SCNN1D: variants seen among roughly 807,000 people sequenced by gnomAD.
SCNN1D encodes epithelial sodium channel subunit delta.
In SCNN1D, 104 loss-of-function variants were observed where a neutral mutation model predicts 87.8. The ratio of observed to expected loss-of-function variants is 1.18; its 90% confidence interval spans 1.01 to 1.39. SCNN1D has a LOEUF of 1.39. SCNN1D is among the 40% of genes most tolerant of loss of function. The pLI is 0.00. For missense variants in SCNN1D, 1,324 were observed against 1,093.9 expected (o/e 1.21, Z -2.97); for synonymous variants, 628 against 481.2 (o/e 1.31, Z -3.99).
At position 1,286,952 on chromosome 1, in the gene SCNN1D, C is replaced by G. The variant is rs139397015; in HGVS notation, c.1096C>G (p.Arg366Gly). 86 of 1,612,154 alleles carry G rather than the reference C, an allele frequency of 5.3e-5. No homozygotes were observed. Among genetic ancestry groups the G allele is most frequent in the Non-Finnish European group, 7.3e-5 (86 of 1,179,730 alleles). Residue 366 changes from arginine (R) to glycine (G), a missense_variant, in exon 8 of 18, where the codon CGG becomes GGG. By Grantham distance (125) the Arg-to-Gly change is moderately radical (BLOSUM62 -2). Coordinates refer to ENST00000379116, the MANE Select transcript of SCNN1D (RefSeq NM_001130413.4). ...GCAGAGGCTGAGCCACTCGGGCAGC[C>G]GGGTCAGAGTGGGGTTCAGACTGGT... ...RLQRLSHSGS[R>G]VRVGFRLCNS...
At chr1:1,280,737 G>A (rs750324672) in intron 1 of SCNN1D, 71 bp downstream of exon 1, 4 of 694,962 alleles carry the variant, frequency 5.8e-6, no homozygotes, top group Non-Finnish European at 1.1e-5. Context: ...CCATGGCTAA[G>A]ACCAGGGGTC....
intron 6 of SCNN1D, 25 bp from the exon 7 acceptor site, chr1:1,285,901 C>G: frequency 6.6e-7 from 1 of 1,524,976 alleles, no homozygotes; most frequent in South Asian, 1.3e-5. Context: ...CAGGCCGGGC[C>G]CTGCTGAGGC....
intron 4 of SCNN1D, 137 bp downstream of exon 4, chr1:1,282,452 G>A (rs1640488485): frequency 8.0e-6 from 8 of 997,874 alleles, no homozygotes; most frequent in Non-Finnish European, 1.2e-5. Context: ...TTCCAACCTG[G>A]GCCCGGCTCG....
At chr1:1,283,055 G>A (rs1570601357) in intron 4 of SCNN1D, among the ~76,000 whole-genome samples, 1 of 152,120 alleles carries the variant, frequency 6.6e-6, no homozygotes, top group Non-Finnish European at 1.5e-5. Context: ...CCTGGTGGTC[G>A]TGAGTCACTT....
In SCNN1D at chr1:1,290,477, G is replaced by A. The variant is rs1232941032; in HGVS notation, c.1781G>A (p.Gly594Glu). ...CACATGCCTCTGACCCCTCCCCAAG[G>A]ACACTGCTTCTACCGCCTCTACCAG... ...YCSSARHPAW[G>E]HCFYRLYQDL... Residue 594 changes from glycine to glutamate, a missense_variant and splice_region_variant, in exon 14 of 18, where the codon GGA becomes GAA. By Grantham distance (98) the Gly-to-Glu change is moderately conservative. Coordinates refer to ENST00000379116, the MANE Select transcript of SCNN1D (RefSeq NM_001130413.4). The A allele has an allele frequency of 3.7e-6, 6 of 1,612,522 alleles. No homozygotes were observed. Among genetic ancestry groups the A allele is most frequent in the Admixed American group, 1.7e-5 (1 of 59,994 alleles).
chr1:1,284,436 A>C (rs1640543316), intron 5 of SCNN1D, among the ~76,000 whole-genome samples: 1 of 151,528 alleles, frequency 6.6e-6, no homozygotes, highest in African/African-American at 2.4e-5. Context: ...GCATGGTGGC[A>C]ATGGGGCAGG....
In SCNN1D at chr1:1,290,903, T is replaced by A. The variant is rs745382414; in HGVS notation, c.1926T>A (p.Thr642=). The change falls in exon 16 of 18, where the codon ACT becomes ACA. Residue 642 remains threonine, a synonymous_variant. Coordinates refer to ENST00000379116, the MANE Select transcript of SCNN1D (RefSeq NM_001130413.4). The part of the protein sequence containing the change: ...RWPSAKSAGW[T]LATLGEQGLP... ...AAACCTTCCGTCTGCAGGGATGGAC[T>A]CTGGCCACGCTAGGTGAACAGGGGC... 59 of 1,610,010 alleles carry A rather than the reference T, an allele frequency of 3.7e-5. No individual in the cohort carries two copies. The highest frequency in any genetic ancestry group is 4.9e-5 in the Non-Finnish European group (58 of 1,178,992).
intron 5 of SCNN1D, among the ~76,000 whole-genome samples, chr1:1,285,051 T>C (rs1640559054): frequency 6.6e-6 from 1 of 152,210 alleles, no homozygotes; most frequent in Non-Finnish European, 1.5e-5. Flanking sequence ...TCAGATGGCC[T>C]TGGGGACGCA....
chr1:1,287,756 G>C lies in SCNN1D; in HGVS notation c.1483G>C (p.Gly495Arg). 1 of 1,603,964 alleles carries C rather than the reference G, an allele frequency of 6.2e-7. No homozygotes were observed. The highest frequency in any genetic ancestry group is 8.5e-7 in the Non-Finnish European group (1 of 1,175,816). ...GGCCGGCATCAGGGTCATGGTTCAC[G>C]GCCGTAACCACACGCCCTTCCTGGG... The part of the protein sequence containing the change: ...TLAGIRVMVH[G>R]RNHTPFLGHH... Residue 495 changes from glycine (G) to arginine (R), a missense_variant, in exon 11 of 18, where the codon GGC becomes CGC. Coordinates refer to ENST00000379116, the MANE Select transcript of SCNN1D (RefSeq NM_001130413.4).
chr1:1,290,217 G>A lies in SCNN1D; in HGVS notation c.1663-54G>A, dbSNP rs201216106. 3.3e-3 allele frequency: 4,317 copies of A among 1,291,434 alleles called. 86 individuals carry two copies. The highest frequency in any genetic ancestry group is 8.2e-3 in the East Asian group (333 of 40,526). The allele number at this position is 1,291,434 out of a possible 1,614,324, so 80.0% of individuals were successfully genotyped here. ...CTGCTCCGTCCCGTGTCTCTGCCCC[G>A]TCCCCCATGTCTCCGCTCCATCCCA... On this transcript the variant is annotated intron_variant, in intron 12 of 17. Transcript: ENST00000379116.
chr1:1,290,882 C>A lies in SCNN1D; in HGVS notation c.1918-13C>A, dbSNP rs927707327. On this transcript the variant is annotated splice_polypyrimidine_tract_variant and intron_variant, in intron 15 of 17. Coordinates refer to ENST00000379116, the MANE Select transcript of SCNN1D (RefSeq NM_001130413.4). ...TGGGGGAGCCGTGGCCACAGCAAAC[C>A]TTCCGTCTGCAGGGATGGACTCTGG... is the stretch of plus-strand genomic sequence containing the variant. The A allele has an allele frequency of 6.2e-7, 1 of 1,609,488 alleles. No individual in the cohort carries two copies. Among genetic ancestry groups the A allele is most frequent in the Non-Finnish European group, 8.5e-7 (1 of 1,178,850 alleles).
chr1:1,282,808 A>G (rs1640498321), intron 4 of SCNN1D, among the ~76,000 whole-genome samples: 1 of 150,024 alleles, frequency 6.7e-6, no homozygotes, highest in Admixed American at 6.6e-5. Context: ...GCTGGAGTGC[A>G]GTGGCACGAT....
In SCNN1D at chr1:1,291,540, G is replaced by C; in HGVS notation, c.2339G>C (p.Gly780Ala). 3 of 1,597,352 alleles carry C rather than the reference G, an allele frequency of 1.9e-6. No individual in the cohort carries two copies. Among genetic ancestry groups the C allele is most frequent in the Non-Finnish European group, 2.6e-6 (3 of 1,169,394 alleles). ...CATCTCCCACGGGTGATGCTTCCAG[G>C]GGTTCTGGCGGGAGTCTCAGCCGAA... is the stretch of plus-strand genomic sequence containing the variant. Reference protein sequence around the residue: ...GPHLPRVMLPGVLAGVSAEES... With the variant: ...GPHLPRVMLPAVLAGVSAEES... The change falls in exon 18 of 18, where the codon GGG becomes GCG. Residue 780 changes from glycine to alanine, a missense_variant. Gly to Ala is a moderately conservative substitution (Grantham distance 60). Coordinates refer to ENST00000379116, the MANE Select transcript of SCNN1D (RefSeq NM_001130413.4).
chr1:1,287,510 A>G lies in SCNN1D; in HGVS notation c.1313A>G (p.Gln438Arg). Reference sequence around the variant, plus strand: ...CTGAGCTTGGCTTCTCATTCCAGACAGTTCCGGACCTTCCACCACCCCACC... The same window carrying G: ...CTGAGCTTGGCTTCTCATTCCAGACGGTTCCGGACCTTCCACCACCCCACC... ...SYDGLDCQAR[Q>R]FRTFHHPTYG... The change falls in exon 10 of 18, where the codon CAG (glutamine) becomes CGG (arginine). Residue 438 changes from glutamine to arginine, a missense_variant and splice_region_variant. Transcript: ENST00000379116. 5 of 1,518,786 alleles carry G rather than the reference A, an allele frequency of 3.3e-6. No homozygotes were observed. The highest frequency in any genetic ancestry group is 4.4e-6 in the Non-Finnish European group (5 of 1,132,482). The allele number at this position is 1,518,786 out of a possible 1,614,324, so 94.1% of individuals were successfully genotyped here. A position where few individuals can be genotyped will look rare whatever the true frequency, so the allele number is the denominator to read the frequency against.
chr1:1,291,023 G>T (rs752814424), intron 16 of SCNN1D, 42 bp from the exon 17 acceptor site: 11 of 1,598,444 alleles, frequency 6.9e-6, no homozygotes, highest in Non-Finnish European at 9.4e-6. Context: ...TCCCCATCAT[G>T]AAGGTCTGGG....
At position 1,291,908 on chromosome 1, in the gene SCNN1D, C is replaced by T. The variant is rs549619477; in HGVS notation, c.*298C>T. On this transcript the variant is annotated 3_prime_UTR_variant, in exon 18 of 18. Transcript: ENST00000379116. ...GTGTGTCTGTGTCTGCATGTCCACA[C>T]GTCTGATGCACCTGTGTACGTGTGT... 6.2e-4 allele frequency: 190 copies of T among 306,104 alleles called. No individual in the cohort carries two copies. Among genetic ancestry groups the T allele is most frequent in the African/African-American group, 3.7e-3 (174 of 46,656 alleles). 19.0% of individuals were successfully genotyped at this position (306,104 alleles called of 1,614,324 possible). A position where few individuals can be genotyped will look rare whatever the true frequency, so the allele number is the denominator to read the frequency against.
intron 5 of SCNN1D, among the ~76,000 whole-genome samples, chr1:1,284,324 G>GGGGTA (rs1436572853): frequency 8.5e-6 from 1 of 118,000 alleles, no homozygotes; most frequent in Non-Finnish European, 1.8e-5. Context: ...GTAGGGGTGG[G>GGGGTA]GGGGTGGGGC....
At position 1,291,333 on chromosome 1, in the gene SCNN1D, T is replaced by C. The variant is rs760564259; in HGVS notation, c.2132T>C (p.Leu711Pro). The change falls in exon 18 of 18, where the codon CTG becomes CCG. Residue 711 changes from leucine to proline, a missense_variant. Physicochemically the swap from Leu to Pro is moderately conservative, Grantham distance 98. Coordinates refer to ENST00000379116, the MANE Select transcript of SCNN1D (RefSeq NM_001130413.4). ...TCCGTCCTCTCCCTCCTGGAGCTCC[T>C]GGAGCTGCTGCTCGATGCTTCTGCC... ...GASVLSLLELLELLLDASALT... is the reference protein window; with the variant it reads ...GASVLSLLELPELLLDASALT... 2 of 1,603,056 alleles carry C rather than the reference T, an allele frequency of 1.2e-6. No homozygotes were observed. The highest frequency in any genetic ancestry group is 1.7e-6 in the Non-Finnish European group (2 of 1,176,146).
In SCNN1D at chr1:1,286,760, C is replaced by T. The variant is rs376989533; in HGVS notation, c.912-8C>T. 1.4e-5 allele frequency: 23 copies of T among 1,611,256 alleles called. No individual in the cohort carries two copies. The African/African-American group carries it at 1.6e-4, about 11-fold the overall frequency. ...CGGCAACTCTGACTCCAGGGCCCTG[C>T]GTCCCAGGCCGAGTCCGGTCCTCCG... On this transcript the variant is annotated splice_polypyrimidine_tract_variant and splice_region_variant and intron_variant, in intron 7 of 17. Transcript: ENST00000379116.
Sources: allele counts gnomAD v4.1 joint callset (sites outside exome capture counted in the v4.1 genomes callset), GRCh38; gene constraint gnomAD v4.1.1; transcripts MANE v1.5; gene names NCBI Gene and HGNC (gene_info 2026-07-23, HGNC 2026-07-21).